Variants in ATP10B observed in about 807,000 individuals in gnomAD.
ATP10B encodes the protein phospholipid-transporting ATPase VB.
ATP10B carries 122 observed loss-of-function variants against 141.2 expected under a neutral mutation model. The ratio of observed to expected loss-of-function variants is 0.86; its 90% CI spans 0.75 to 1.00. The LOEUF (loss-of-function observed/expected upper bound fraction) is 1.00. ATP10B is among the 50% of genes least tolerant of loss of function. ATP10B has a pLI of 0.00. For missense variants in ATP10B, 1,876 were observed against 1,825.3 expected (o/e 1.03, Z -0.51); for synonymous variants, 685 against 692.0 (o/e 0.99, Z 0.16).
chr5:160,609,224 A>G (rs2127634941), intron 18 of ATP10B, among the ~76,000 whole-genome samples: 1 of 152,306 alleles, frequency 6.6e-6, no homozygotes. Context: ...TCTAAAAATA[A>G]TATTCAAAGT....
At chr5:160,878,812 A>C in the ATP10B span, among the ~76,000 whole-genome samples, 1 of 151,412 alleles carries the variant, frequency 6.6e-6, no homozygotes, top group African/African-American at 2.4e-5. Context: ...CCATCAGAGA[A>C]ATGCAAATCA....
intron 2 of ATP10B, among the ~76,000 whole-genome samples, chr5:160,748,653 G>C (rs1187261261): frequency 6.6e-6 from 1 of 152,162 alleles, no homozygotes; most frequent in Non-Finnish European, 1.5e-5. Context: ...TGCTGGCTGA[G>C]ATTTCTGAGT....
At chr5:160,875,933 A>G in the ATP10B span, among the ~76,000 whole-genome samples, 1 of 49,422 alleles carries the variant, frequency 2.0e-5, no homozygotes, top group African/African-American at 4.6e-5. Flanking sequence ...CACATTAATA[A>G]TGGGAGACTT....
chr5:160,880,182 A>G, the ATP10B span, among the ~76,000 whole-genome samples: 2 of 146,560 alleles, frequency 1.4e-5, no homozygotes, highest in Non-Finnish European at 3.0e-5. Flanking sequence ...TATATAATGT[A>G]AATATTTTTA....
At chr5:160,871,049 G>T in the ATP10B span, among the ~76,000 whole-genome samples, 1 of 118,068 alleles carries the variant, frequency 8.5e-6, no homozygotes, top group Non-Finnish European at 1.9e-5. Context: ...ATTGCCAGTA[G>T]ACCTGTCTTA....
intron 2 of ATP10B, among the ~76,000 whole-genome samples, chr5:160,719,141 C>T (rs909907960): frequency 6.6e-6 from 1 of 152,208 alleles, no homozygotes; most frequent in African/African-American, 2.4e-5. Context: ...TGGCTCACGC[C>T]TGTAATCCCA....
At chr5:160,872,706 C>T in the ATP10B span, among the ~76,000 whole-genome samples, 5 of 152,072 alleles carry the variant, frequency 3.3e-5, no homozygotes, top group East Asian at 9.6e-4. Context: ...TTTATTTCAG[C>T]GTTCTCTATT....
intron 22 of ATP10B, among the ~76,000 whole-genome samples, chr5:160,591,575 A>G (rs971585380): frequency 6.6e-6 from 1 of 152,130 alleles, no homozygotes. Context: ...GTGGCATCTG[A>G]GAGATCTCAA....
At chr5:160,785,419 T>G (rs1581528157) in intron 2 of ATP10B, 140 bp downstream of exon 2, 2 of 329,026 alleles carry the variant, frequency 6.1e-6, no homozygotes, top group South Asian at 5.0e-5. Flanking sequence ...ATAGCGGTGG[T>G]GTTTTTTTTG....
At chr5:160,871,282 T>G in the ATP10B span, among the ~76,000 whole-genome samples, 1 of 152,112 alleles carries the variant, frequency 6.6e-6, no homozygotes, top group East Asian at 1.9e-4. Flanking sequence ...ACAATAATGA[T>G]ACAAGGAACA....
intron 13 of ATP10B, among the ~76,000 whole-genome samples, chr5:160,624,502 C>A (rs1758512100): frequency 6.6e-6 from 1 of 152,226 alleles, no homozygotes; most frequent in South Asian, 2.1e-4. Flanking sequence ...AAAACTGAAT[C>A]AGACCTACAT....
At chr5:160,765,874 C>T (rs959297505) in intron 2 of ATP10B, among the ~76,000 whole-genome samples, 1 of 151,872 alleles carries the variant, frequency 6.6e-6, no homozygotes, top group African/African-American at 2.4e-5. Flanking sequence ...AACAAATAAT[C>T]CCATCAAAAA....
intron 12 of ATP10B, 83 bp from the exon 13 acceptor site, chr5:160,632,450 T>C: frequency 7.5e-7 from 1 of 1,333,908 alleles, no homozygotes; most frequent in Non-Finnish European, 1.1e-6. Context: ...GTGTGGGGGG[T>C]GGTAAGAGCA....
rs1431609696 is a variant in ATP10B, at chr5:160,847,078, A to G, written c.-576+4863T>C. ...TGTGAGGTAGAAACATTTTATCCTC[A>G]GTTTATAGATAAGGAGACTGGAGCT... On this transcript the variant is annotated intron_variant, in intron 1 of 25. Coordinates refer to ENST00000327245, the MANE Select transcript of ATP10B (RefSeq NM_025153.3). Among the ~76,000 whole-genome samples, 5 of 152,180 alleles carry G rather than the reference A, an allele frequency of 3.3e-5. No individual in the cohort carries two copies. The East Asian group carries it at 9.6e-4, about 29-fold the overall frequency.
intron 2 of ATP10B, among the ~76,000 whole-genome samples, chr5:160,782,837 A>C (rs1475709827): frequency 6.6e-6 from 1 of 152,092 alleles, no homozygotes; most frequent in East Asian, 1.9e-4. Flanking sequence ...TATAATATTG[A>C]GTTCACAAAG....
chr5:160,576,873 A>G (rs1181986389), intron 24 of ATP10B, among the ~76,000 whole-genome samples: 1 of 152,180 alleles, frequency 6.6e-6, no homozygotes, highest in Non-Finnish European at 1.5e-5. Context: ...ACTCTGTCCT[A>G]AGAGCAATGG....
At chr5:160,567,380 T>C (rs1285598550) in intron 25 of ATP10B, among the ~76,000 whole-genome samples, 4 of 152,210 alleles carry the variant, frequency 2.6e-5, no homozygotes, top group African/African-American at 9.6e-5. Context: ...ATTTCTCAAA[T>C]CCACGCCCTT....
intron 2 of ATP10B, among the ~76,000 whole-genome samples, chr5:160,738,264 T>A (rs1358021260): frequency 6.6e-6 from 1 of 152,142 alleles, no homozygotes; most frequent in Non-Finnish European, 1.5e-5. Flanking sequence ...TTTGTGAGAT[T>A]CAGCTAAATG....
At chr5:160,821,088 TTA>T (rs1406894979) in intron 1 of ATP10B, among the ~76,000 whole-genome samples, 1 of 152,138 alleles carries the variant, frequency 6.6e-6, no homozygotes, top group African/African-American at 2.4e-5. Context: ...TGTTTGCAGA[TTA>T]TGTTATCTTA....
Sources: gnomAD v4.1 joint callset for allele counts (sites outside exome capture counted in the v4.1 genomes callset) on GRCh38, gnomAD v4.1.1 for gene constraint, MANE v1.5 for transcripts, NCBI Gene and HGNC (gene_info 2026-07-23, HGNC 2026-07-21) for gene names.